DSCAM: variants seen among roughly 807,000 people sequenced by gnomAD.
The protein encoded by DSCAM is DS cell adhesion molecule.
In DSCAM, 47 loss-of-function variants were observed where a neutral mutation model predicts 217.7. The ratio of observed to expected loss-of-function variants is 0.22; its 90% CI spans 0.17 to 0.28. The LOEUF (loss-of-function observed/expected upper bound fraction) is 0.28, where lower values mean the gene tolerates loss of function less well. Ranked by LOEUF, DSCAM falls within the 10% of genes least tolerant of loss-of-function variation. The pLI is 1.00. For missense variants in DSCAM, 2,080 were observed against 2,618.3 expected (o/e 0.79, Z 4.49); for synonymous variants, 1,056 against 1,015.3 (o/e 1.04, Z -0.76).
At chr21:40,276,822 AAATAC>A (rs2073693416) in intron 10 of DSCAM, among the ~76,000 whole-genome samples, 1 of 152,214 alleles carries the variant, frequency 6.6e-6, no homozygotes, top group Non-Finnish European at 1.5e-5. Flanking sequence ...TTATTTAAAT[AAATAC>A]ATCAGATTAG....
intron 3 of DSCAM, among the ~76,000 whole-genome samples, chr21:40,460,716 G>T (rs1285422073): frequency 6.6e-6 from 1 of 152,100 alleles, no homozygotes; most frequent in African/African-American, 2.4e-5. Flanking sequence ...AAAAGATGCT[G>T]GTTTTCTTCA....
At chr21:40,453,418 T>C (rs1016634007) in intron 3 of DSCAM, among the ~76,000 whole-genome samples, 2 of 152,202 alleles carry the variant, frequency 1.3e-5, no homozygotes, top group Non-Finnish European at 2.9e-5. Context: ...TTCTGCACTA[T>C]GACAGGCAAA....
chr21:40,735,790 T>A (rs1353135119), intron 1 of DSCAM, among the ~76,000 whole-genome samples: 1 of 152,228 alleles, frequency 6.6e-6, no homozygotes, highest in Non-Finnish European at 1.5e-5. Flanking sequence ...GCATTTCTGA[T>A]ACCAAATGGG....
chr21:40,511,517 T>C (rs1160505585), intron 3 of DSCAM, among the ~76,000 whole-genome samples: 1 of 152,190 alleles, frequency 6.6e-6, no homozygotes, highest in African/African-American at 2.4e-5. Flanking sequence ...AGAAAAGGTT[T>C]CCTTGACTAC....
intron 3 of DSCAM, among the ~76,000 whole-genome samples, chr21:40,632,128 G>A (rs527901964): frequency 6.6e-6 from 1 of 152,278 alleles, no homozygotes; most frequent in Admixed American, 6.5e-5. Flanking sequence ...AGCTATGCTG[G>A]CTTCCAAGGC....
chr21:40,268,276 A>G (rs2090608197), intron 11 of DSCAM, among the ~76,000 whole-genome samples: 1 of 152,172 alleles, frequency 6.6e-6, no homozygotes, highest in African/African-American at 2.4e-5. Flanking sequence ...GACACTAGGG[A>G]GCATTCAGTG....
At position 40,144,371 on chromosome 21, in the gene DSCAM, G is replaced by T; in HGVS notation, c.3259+120C>A. The T allele has an allele frequency of 6.8e-7, 1 of 1,468,066 alleles. No homozygotes were observed. The highest frequency in any genetic ancestry group is 9.2e-7 in the Non-Finnish European group (1 of 1,085,754). 90.9% of individuals were successfully genotyped at this position (1,468,066 alleles called of 1,614,324 possible). On this transcript the variant is annotated intron_variant, in intron 17 of 32. Transcript: ENST00000400454. The surrounding 1 kb of genome is among the most constrained non-coding windows in gnomAD (Gnocchi z 4.8). ...AAGGCTTTTCCACCCGAGACCCCAG[G>T]CCCTGCAGGTCACTGCAAAGTCGTG...
At chr21:40,211,863 T>C (rs886886535) in intron 11 of DSCAM, among the ~76,000 whole-genome samples, 3 of 152,100 alleles carry the variant, frequency 2.0e-5, no homozygotes, top group Non-Finnish European at 4.4e-5. Context: ...AGGTTAAAGA[T>C]GATGTCTTAA....
intron 2 of DSCAM, among the ~76,000 whole-genome samples, chr21:40,703,667 C>T (rs1035427982): frequency 6.6e-5 from 10 of 152,122 alleles, no homozygotes; most frequent in Middle Eastern, 6.3e-3. Flanking sequence ...TTGCGCTGAG[C>T]AATTTTATTA....
At chr21:40,452,507 T>G (rs1396789241) in intron 3 of DSCAM, among the ~76,000 whole-genome samples, 1 of 152,070 alleles carries the variant, frequency 6.6e-6, no homozygotes. Flanking sequence ...GAAAGTTTAG[T>G]TTCAACAGTT....
At chr21:40,827,591 C>G (rs2091980563) in intron 1 of DSCAM, among the ~76,000 whole-genome samples, 2 of 151,358 alleles carry the variant, frequency 1.3e-5, no homozygotes, top group African/African-American at 4.9e-5. Context: ...AAGACCTGAT[C>G]AGTGTGTGTT....
rs553933167 is a variant in DSCAM at position 40,117,685 on chromosome 21, C to T, written c.3696+6510G>A. The stretch of plus-strand genomic sequence containing the variant: ...AAAAGTCAAATGGAACAGAAAATAT[C>T]GGAGGGCATCACGTGTAGTAAATGT... On this transcript the variant is annotated intron_variant, in intron 20 of 32. Transcript: ENST00000400454. Among the ~76,000 whole-genome samples, 13 of 152,158 alleles carry T rather than the reference C, an allele frequency of 8.5e-5. No individual in the cohort carries two copies. The South Asian group carries it at 1.2e-3, about 15-fold the overall frequency.
At chr21:40,580,295 G>A (rs909637857) in intron 3 of DSCAM, among the ~76,000 whole-genome samples, 3 of 152,036 alleles carry the variant, frequency 2.0e-5, no homozygotes, top group African/African-American at 7.2e-5. Context: ...CACTTTGGGA[G>A]GCCGAGGTGG....
At chr21:40,212,596 A>G (rs750068819) in intron 11 of DSCAM, among the ~76,000 whole-genome samples, 1 of 151,968 alleles carries the variant, frequency 6.6e-6, no homozygotes, top group Non-Finnish European at 1.5e-5. Flanking sequence ...CCTCTGTTGT[A>G]TATTGTGACA....
chr21:40,385,563 A>T (rs1396069621), intron 3 of DSCAM, among the ~76,000 whole-genome samples: 3 of 152,210 alleles, frequency 2.0e-5, no homozygotes, highest in Non-Finnish European at 4.4e-5. Flanking sequence ...ACCTAGAAAT[A>T]TATGTATTGC....
intron 26 of DSCAM, among the ~76,000 whole-genome samples, chr21:40,076,840 A>G (rs760053722): frequency 1.8e-4 from 28 of 152,256 alleles, no homozygotes; most frequent in Non-Finnish European, 2.4e-4. Flanking sequence ...TTGCAAGATA[A>G]TGATCTAAAG....
intron 5 of DSCAM, among the ~76,000 whole-genome samples, chr21:40,353,174 G>C (rs532687891): frequency 6.6e-6 from 1 of 152,292 alleles, no homozygotes; most frequent in Non-Finnish European, 1.5e-5. Flanking sequence ...GTGTTATCTT[G>C]AAATCATATC....
chr21:40,093,460 A>G (rs1864431686), intron 21 of DSCAM, among the ~76,000 whole-genome samples: 1 of 152,242 alleles, frequency 6.6e-6, no homozygotes, highest in Non-Finnish European at 1.5e-5. Context: ...CAAGGAATGA[A>G]TGAGGGCTCC....
chr21:40,741,076 A>C (rs951687568), intron 1 of DSCAM, among the ~76,000 whole-genome samples: 7 of 152,246 alleles, frequency 4.6e-5, no homozygotes, highest in African/African-American at 1.4e-4. Flanking sequence ...ATGGAAGATT[A>C]ACCTGAAGTC....
Sources: gnomAD v4.1 joint callset for allele counts (sites outside exome capture counted in the v4.1 genomes callset) on GRCh38, gnomAD v4.1.1 for gene constraint, Gnocchi (gnomAD v3.1) non-coding constraint, MANE v1.5 for transcripts, NCBI Gene and HGNC (gene_info 2026-07-23, HGNC 2026-07-21) for gene names.